GNPDA2: variants seen among roughly 807,000 people sequenced by gnomAD.
The protein encoded by GNPDA2 is glcN6P deaminase 2.
A neutral mutation model predicts 27.0 loss-of-function variants in GNPDA2; 24 were observed. The ratio of observed to expected loss-of-function variants is 0.89; its 90% CI spans 0.64 to 1.25. The LOEUF (loss-of-function observed/expected upper bound fraction) is 1.25, where lower values mean the gene tolerates loss of function less well. Ranked by LOEUF, GNPDA2 falls within the 50% of genes most tolerant of loss-of-function variation. The pLI, the probability that GNPDA2 is intolerant of heterozygous loss-of-function variation, is 0.00. For missense variants in GNPDA2, 286 were observed against 335.1 expected (o/e 0.85, Z 1.14); for synonymous variants, 94 against 108.4 (o/e 0.87, Z 0.83).
intron 3 of GNPDA2, among the ~76,000 whole-genome samples, chr4:44,717,690 G>A (rs1326191876): frequency 8.6e-5 from 13 of 151,874 alleles, no homozygotes; most frequent in Admixed American, 8.5e-4. Flanking sequence ...AATAAATTAA[G>A]TAGCCATTCA....
At chr4:44,714,404 G>C in intron 4 of GNPDA2, 1 of 985,342 alleles carries the variant, frequency 1.0e-6, no homozygotes, top group Non-Finnish European at 1.2e-6. Flanking sequence ...GAACATTTGA[G>C]TATGTATTTC....
At chr4:44,716,545 G>A (rs1046045051) in intron 4 of GNPDA2, among the ~76,000 whole-genome samples, 1 of 151,728 alleles carries the variant, frequency 6.6e-6, no homozygotes, top group Non-Finnish European at 1.5e-5. Context: ...AATTACAAGT[G>A]GAATTTGGTA....
rs762902700 is a variant in GNPDA2 at position 44,702,958 on chromosome 4, C to T, written c.*123G>A. 25 of 1,526,488 alleles carry T rather than the reference C, an allele frequency of 1.6e-5. No homozygotes were observed. The highest frequency in any genetic ancestry group is 2.4e-5 in the Admixed American group (1 of 42,152). 94.6% of individuals were successfully genotyped at this position (1,526,488 alleles called of 1,614,324 possible). A position where few individuals can be genotyped will look rare whatever the true frequency, so the allele number is the denominator to read the frequency against. On this transcript the variant is annotated 3_prime_UTR_variant, in exon 7 of 7. Transcript: ENST00000295448. ...ATATGGAATGTTTAACATAGAGACT[C>T]GAATGAAAAAATGACAATCTTCAAA...
intron 6 of GNPDA2, chr4:44,704,055 G>T (rs531716665): frequency 1.8e-5 from 18 of 985,212 alleles, no homozygotes; most frequent in Non-Finnish European, 2.0e-5. Context: ...GATGTTCCTT[G>T]TCAGAAAGGC....
chr4:44,710,583 A>C (rs1325360880), intron 5 of GNPDA2, among the ~76,000 whole-genome samples: 2 of 152,156 alleles, frequency 1.3e-5, no homozygotes, highest in African/African-American at 4.8e-5. Context: ...TCATCCTGTG[A>C]GCTCCAAAAA....
intron 4 of GNPDA2, among the ~76,000 whole-genome samples, chr4:44,715,519 A>G (rs1276745431): frequency 6.6e-6 from 1 of 152,130 alleles, no homozygotes; most frequent in African/African-American, 2.4e-5. Context: ...GTGGTACTCC[A>G]GTAATTCTAC....
intron 2 of GNPDA2, among the ~76,000 whole-genome samples, 178 bp from the exon 3 acceptor site, chr4:44,718,588 G>C (rs919565709): frequency 2.0e-5 from 3 of 151,658 alleles, no homozygotes; most frequent in African/African-American, 7.3e-5. Context: ...TGGTAAACCA[G>C]AATTTGCTGA....
chr4:44,726,185 T>C (rs1718008169), intron 1 of GNPDA2, among the ~76,000 whole-genome samples: 1 of 152,044 alleles, frequency 6.6e-6, no homozygotes, highest in Non-Finnish European at 1.5e-5. Context: ...AGGATGACTG[T>C]TAGGAATTTT....
At chr4:44,715,471 T>A (rs1406940387) in intron 4 of GNPDA2, among the ~76,000 whole-genome samples, 3 of 152,050 alleles carry the variant, frequency 2.0e-5, no homozygotes, top group Non-Finnish European at 4.4e-5. Flanking sequence ...TTATAGTAAA[T>A]GAGTGAAAAC....
At chr4:44,710,108 T>C (rs567273246) in intron 5 of GNPDA2, among the ~76,000 whole-genome samples, 2 of 152,206 alleles carry the variant, frequency 1.3e-5, no homozygotes, top group Non-Finnish European at 2.9e-5. Flanking sequence ...CTAAAATCCT[T>C]TTTTCAACTT....
intron 5 of GNPDA2, among the ~76,000 whole-genome samples, chr4:44,708,963 T>C (rs188961137): frequency 1.3e-5 from 2 of 152,252 alleles, no homozygotes; most frequent in East Asian, 3.9e-4. Flanking sequence ...TGGCCCAAGG[T>C]TTTGGTAAGA....
chr4:44,704,640 T>C, intron 6 of GNPDA2: 4 of 876,016 alleles, frequency 4.6e-6, no homozygotes, highest in Non-Finnish European at 5.5e-6. Flanking sequence ...ACTTTCTACA[T>C]ACGAATTTTA....
chr4:44,701,848 A>G lies in GNPDA2; in HGVS notation c.*1233T>C, dbSNP rs1716285624. On this transcript the variant is annotated 3_prime_UTR_variant, in exon 7 of 7. Coordinates refer to ENST00000295448, the MANE Select transcript of GNPDA2 (RefSeq NM_138335.3). The stretch of plus-strand genomic sequence containing the variant: ...TAATTTACCCCATCCCCCACTTTTA[A>G]CCATAAAACCCTATTACCAATTTTA... 1.0e-6 allele frequency: 1 copy of G among 983,554 alleles called. No homozygotes were observed. The highest frequency in any genetic ancestry group is 1.2e-6 in the Non-Finnish European group (1 of 828,400). The allele number at this position is 983,554 out of a possible 1,614,324, so 60.9% of individuals were successfully genotyped here.
rs543425497 is a variant in GNPDA2, at chr4:44,704,024, T to G, written c.770-882A>C. ...AAATGGGATTACTGGATTGGAGAGA[T>G]AGGTTGCTTGTTAGTAAACAGATGT... On this transcript the variant is annotated intron_variant, in intron 6 of 6. Transcript: ENST00000295448. 31 of 985,144 alleles carry G rather than the reference T, an allele frequency of 3.1e-5. No individual in the cohort carries two copies. The East Asian group carries it at 1.0e-3, about 32-fold the overall frequency. The allele number at this position is 985,144 out of a possible 1,614,324, so 61.0% of individuals were successfully genotyped here.
At chr4:44,710,619 C>T (rs944326162) in intron 5 of GNPDA2, among the ~76,000 whole-genome samples, 5 of 152,124 alleles carry the variant, frequency 3.3e-5, no homozygotes, top group African/African-American at 1.2e-4. Context: ...AGCATTGCAT[C>T]ATTGTCCCAA....
At chr4:44,715,790 A>C (rs371841606) in intron 4 of GNPDA2, among the ~76,000 whole-genome samples, 11 of 152,098 alleles carry the variant, frequency 7.2e-5, no homozygotes, top group African/African-American at 2.7e-4. Flanking sequence ...TCCAATAAAC[A>C]ACCATTCTAT....
At chr4:44,711,312 C>T (rs1716965544) in intron 4 of GNPDA2, among the ~76,000 whole-genome samples, 175 bp from the exon 5 acceptor site, 2 of 152,094 alleles carry the variant, frequency 1.3e-5, no homozygotes, top group Admixed American at 1.3e-4. Flanking sequence ...ATGTTTTCTA[C>T]ATGTTTAGCA....
At chr4:44,707,674 T>C (rs1577582313) in intron 6 of GNPDA2, 78 bp downstream of exon 6, 2 of 1,278,756 alleles carry the variant, frequency 1.6e-6, no homozygotes, top group Non-Finnish European at 1.1e-6. Flanking sequence ...GTGTGAGATT[T>C]AACCCCACAG....
intron 6 of GNPDA2, 141 bp from the exon 7 acceptor site, chr4:44,703,283 T>A: frequency 7.1e-7 from 1 of 1,404,940 alleles, no homozygotes; most frequent in Non-Finnish European, 9.2e-7. Context: ...ATTGAAAAAG[T>A]ACAAATAGAA....
Sources: gnomAD v4.1 joint callset for allele counts (sites outside exome capture counted in the v4.1 genomes callset) on GRCh38, gnomAD v4.1.1 for gene constraint, MANE v1.5 for transcripts, NCBI Gene and HGNC (gene_info 2026-07-23, HGNC 2026-07-21) for gene names.